The following ESR2 variants were observed in gnomAD, a reference collection of about 807,000 sequenced individuals.
The protein encoded by ESR2 is estrogen receptor 2.
In ESR2, 36 loss-of-function variants were observed where a neutral mutation model predicts 49.6. The ratio of observed to expected loss-of-function variants is 0.73; its 90% CI spans 0.56 to 0.96. The LOEUF (loss-of-function observed/expected upper bound fraction) is 0.96, where lower values mean the gene tolerates loss of function less well. Ranked by LOEUF, ESR2 falls within the 40% of genes least tolerant of loss-of-function variation. The pLI is 0.00. For missense variants in ESR2, 714 were observed against 693.0 expected, an observed-to-expected ratio of 1.03 and a Z score of -0.34; for synonymous variants, 320 against 266.1, an observed-to-expected ratio of 1.20 and a Z score of -1.97.
intron 1 of ESR2, chr14:64,335,999 GTGTGTGTGTGT>G (rs2077526970): frequency 6.6e-6 from 1 of 150,666 alleles, no homozygotes; most frequent in African/African-American, 2.4e-5. Context: ...GTGTGTGTGT[GTGTGTGTGTGT>G]GTGTGTGTGT....
chr14:64,249,692 G>A lies in ESR2; in HGVS notation c.1092-13C>T, dbSNP rs77486742. On this transcript the variant is annotated splice_polypyrimidine_tract_variant and intron_variant, in intron 6 of 8. Coordinates refer to ENST00000341099, the MANE Select transcript of ESR2 (RefSeq NM_001437.3). ...TTTCCCCTCATCCCTACAAAAGTTC[G>A]TTTGGAAATTTAAGGAACATAGCTT... is the stretch of plus-strand genomic sequence containing the variant. 145 of 1,598,734 alleles carry A rather than the reference G, an allele frequency of 9.1e-5. 1 individual carries two copies. Among genetic ancestry groups the A allele is most frequent in the Non-Finnish European group, 1.0e-4 (117 of 1,171,540 alleles).
At chr14:64,280,215 GAA>G (rs5809225) in intron 2 of ESR2, 62 bp from the exon 3 acceptor site, 24 of 1,039,868 alleles carry the variant, frequency 2.3e-5, no homozygotes, top group Non-Finnish European at 1.4e-6. Flanking sequence ...GGCTTTCTAG[GAA>G]AAAAAAATAG....
At chr14:64,331,741 T>C (rs897762355) in intron 1 of ESR2, among the ~76,000 whole-genome samples, 2 of 150,100 alleles carry the variant, frequency 1.3e-5, no homozygotes, top group African/African-American at 4.9e-5. Context: ...AGAGAATCCC[T>C]TGAACCAGGG....
chr14:64,272,789 T>C (rs1176396014), intron 3 of ESR2, among the ~76,000 whole-genome samples: 1 of 152,220 alleles, frequency 6.6e-6, no homozygotes, highest in Non-Finnish European at 1.5e-5. Flanking sequence ...TAATTTATAG[T>C]CAGGTAATGT....
At chr14:64,308,422 C>A (rs1346175011) in intron 1 of ESR2, among the ~76,000 whole-genome samples, 1 of 152,188 alleles carries the variant, frequency 6.6e-6, no homozygotes, top group Non-Finnish European at 1.5e-5. Flanking sequence ...CAGTTCAAAA[C>A]ACTTTCCAAT....
chr14:64,281,038 G>A (rs2076655834), intron 2 of ESR2, among the ~76,000 whole-genome samples: 1 of 151,906 alleles, frequency 6.6e-6, no homozygotes, highest in South Asian at 2.1e-4. Flanking sequence ...AACTTTAAGA[G>A]GAATAACAAA....
chr14:64,250,927 G>T (rs1453263330), intron 6 of ESR2, among the ~76,000 whole-genome samples: 1 of 152,098 alleles, frequency 6.6e-6, no homozygotes, highest in Non-Finnish European at 1.5e-5. Flanking sequence ...TGGTATATGA[G>T]CATTACTGAG....
At chr14:64,302,190 T>A in intron 1 of ESR2, among the ~76,000 whole-genome samples, 1 of 146,376 alleles carries the variant, frequency 6.8e-6, no homozygotes, top group African/African-American at 2.5e-5. Flanking sequence ...ATTTATTTAT[T>A]TATTTATTTA....
In ESR2 at chr14:64,260,693, G is replaced by T; in HGVS notation, c.708C>A (p.Asp236Glu). ...CCTTGCCGGCACAGTGCAGCTGCTC[G>T]TCGGCACTTCTCTGTCTCCGCACAA... is the stretch of plus-strand genomic sequence containing the variant. The part of the protein sequence containing the change: ...YRLVRRQRSA[D>E]EQLHCAGKAK... Residue 236 changes from aspartate (D) to glutamate (E), a missense_variant, in exon 5 of 9, where the codon GAC becomes GAA. Coordinates refer to ENST00000341099, the MANE Select transcript of ESR2 (RefSeq NM_001437.3). 6.4e-7 allele frequency: 1 copy of T among 1,564,730 alleles called. No individual in the cohort carries two copies. Among genetic ancestry groups the T allele is most frequent in the African/African-American group, 1.4e-5 (1 of 73,292 alleles).
chr14:64,248,680 C>T lies in ESR2; in HGVS notation c.1225+866G>A, dbSNP rs190818595. Among the ~76,000 whole-genome samples the T allele has an allele frequency of 3.9e-5, 6 of 152,120 alleles. No individual in the cohort carries two copies. The East Asian group carries it at 5.8e-4, about 15-fold the overall frequency. Reference sequence around the variant, plus strand: ...TTTATATAAGATAAAACCAACAAAACGAAACCATCTGCATATCCTAGACAC... The same window carrying T: ...TTTATATAAGATAAAACCAACAAAATGAAACCATCTGCATATCCTAGACAC... On this transcript the variant is annotated intron_variant, in intron 7 of 8. Transcript: ENST00000341099.
chr14:64,270,022 T>C (rs1253282347), intron 3 of ESR2, among the ~76,000 whole-genome samples: 1 of 151,962 alleles, frequency 6.6e-6, no homozygotes, highest in Non-Finnish European at 1.5e-5. Context: ...GGTTAAGAAA[T>C]AGAAATTATA....
chr14:64,251,318 A>C (rs1197958128), intron 6 of ESR2, among the ~76,000 whole-genome samples: 9 of 151,850 alleles, frequency 5.9e-5, no homozygotes, highest in East Asian at 3.8e-4. Context: ...AAAAAAAAAA[A>C]AAAACAAAAA....
In ESR2 at chr14:64,229,103, C is replaced by T. The variant is rs2098724918; in HGVS notation, c.*4034G>A. Among the ~76,000 whole-genome samples the T allele has an allele frequency of 6.6e-6, 1 of 152,116 alleles. No individual in the cohort carries two copies. The highest frequency in any genetic ancestry group is 1.5e-5 in the Non-Finnish European group (1 of 68,022). On this transcript the variant is annotated 3_prime_UTR_variant, in exon 9 of 9. Coordinates refer to ENST00000341099, the MANE Select transcript of ESR2 (RefSeq NM_001437.3). ...ACAGTACCCACTAGAGCTCATGAACCTGAGATGGGACAATGGGAATAACAG... is the reference window on the plus strand; with the variant it reads ...ACAGTACCCACTAGAGCTCATGAACTTGAGATGGGACAATGGGAATAACAG...
At chr14:64,227,917 C>T (rs1394003746), downstream of ESR2, 3 of 1,597,472 alleles carry the variant, frequency 1.9e-6, no homozygotes, top group South Asian at 3.3e-5. Context: ...GAATGAATTG[C>T]TTTTCTCCCC....
chr14:64,270,456 T>TC (rs1462414791), intron 3 of ESR2, among the ~76,000 whole-genome samples: 1 of 152,190 alleles, frequency 6.6e-6, no homozygotes, highest in Non-Finnish European at 1.5e-5. Flanking sequence ...CTATAATCAT[T>TC]CTTTAAACTG....
chr14:64,275,096 ATATC>A (rs2076532188), intron 3 of ESR2, among the ~76,000 whole-genome samples: 1 of 152,204 alleles, frequency 6.6e-6, no homozygotes, highest in South Asian at 2.1e-4. Flanking sequence ...TATTCTGTAA[ATATC>A]TATTAGGTCC....
At chr14:64,318,258 C>T (rs1028303457) in intron 1 of ESR2, among the ~76,000 whole-genome samples, 8 of 152,088 alleles carry the variant, frequency 5.3e-5, no homozygotes, top group Admixed American at 3.3e-4. Flanking sequence ...AAGTATCGGC[C>T]GGGTGCGGTG....
At chr14:64,248,141 C>T (rs994957930) in intron 7 of ESR2, among the ~76,000 whole-genome samples, 10 of 152,018 alleles carry the variant, frequency 6.6e-5, no homozygotes, top group African/African-American at 2.2e-4. Context: ...CTGCAGTAAA[C>T]CATGATCGTG....
At chr14:64,289,329 A>G (rs2076832357) in intron 1 of ESR2, among the ~76,000 whole-genome samples, 1 of 151,986 alleles carries the variant, frequency 6.6e-6, no homozygotes, top group Non-Finnish European at 1.5e-5. Flanking sequence ...CCTAACCAAC[A>G]TGGAGAAACC....
Sources: allele counts gnomAD v4.1 joint callset (sites outside exome capture counted in the v4.1 genomes callset), GRCh38; gene constraint gnomAD v4.1.1; transcripts MANE v1.5; gene names NCBI Gene and HGNC (gene_info 2026-07-23, HGNC 2026-07-21).